The following B3GALNT1 variants were observed in gnomAD, a reference collection of about 807,000 sequenced individuals.
B3GALNT1 encodes the protein beta-1,3-N-acetylgalactosaminyltransferase 1 (Globoside blood group), also known as UDP-GalNAc:beta-1,3-N-acetylgalactosaminyltransferase 1.
Under a neutral mutation model 27.3 loss-of-function variants are expected in B3GALNT1, and 17 were observed. That is an observed-to-expected ratio of 0.62 (90% CI 0.43 to 0.94). B3GALNT1 has a LOEUF of 0.94. Among genes scored for constraint, B3GALNT1 ranks in the 40% least tolerant of loss-of-function variants. The pLI, the probability that B3GALNT1 is intolerant of heterozygous loss-of-function variation, is 0.00. For synonymous variants in B3GALNT1, 141 were observed against 144.0 expected (o/e 0.98, Z 0.15); for missense variants, 347 against 390.0 (o/e 0.89, Z 0.93).
In B3GALNT1 at chr3:161,086,047, T is replaced by C. The variant is rs1421385488; in HGVS notation, c.708A>G (p.Pro236=). The change falls in exon 5 of 5, where the codon CCA becomes CCG. Residue 236 remains proline, a synonymous_variant. Transcript: ENST00000320474. ...YQEYPFKVFP[P]YCSGLGYIMS... ...TTATATAACCCAACCCACTGCAGTA[T>C]GGAGGGAACACCTTGAAAGGATACT... 1.3e-6 allele frequency: 2 copies of C among 1,592,056 alleles called. No individual in the cohort carries two copies. Among genetic ancestry groups the C allele is most frequent in the African/African-American group, 1.4e-5 (1 of 74,008 alleles).
chr3:161,100,823 T>C (rs1427854950), intron 4 of B3GALNT1, among the ~76,000 whole-genome samples: 1 of 151,800 alleles, frequency 6.6e-6, no homozygotes. Flanking sequence ...TTAGGATTTT[T>C]AGCAGGGCTG....
chr3:161,103,551 T>A, intron 2 of B3GALNT1, 34 bp from the exon 3 acceptor site: 1 of 870,530 alleles, frequency 1.1e-6, no homozygotes, highest in Non-Finnish European at 1.6e-6. Context: ...TATATATGAG[T>A]CATAACATTA....
Position 161,085,451 on chromosome 3 carries a change from T to TA in B3GALNT1, c.*307dup, listed in dbSNP as rs1721193530. Reference sequence around the variant, plus strand: ...TTGTTTTTACAGCCTAGTGAGCTTATAACTCAGTAACACCCTTTTAAGAAA... The same window carrying TA: ...TTGTTTTTACAGCCTAGTGAGCTTATAAACTCAGTAACACCCTTTTAAGAAA... On this transcript the variant is annotated 3_prime_UTR_variant, in exon 5 of 5. Transcript: ENST00000320474. The TA allele has an allele frequency of 2.7e-6, 1 of 364,062 alleles. No individual in the cohort carries two copies. Among genetic ancestry groups the TA allele is most frequent in the African/African-American group, 2.1e-5 (1 of 48,108 alleles). 22.6% of individuals were successfully genotyped at this position (364,062 alleles called of 1,614,324 possible).
chr3:161,090,181 A>G (rs889215372), intron 4 of B3GALNT1: 2 of 154,330 alleles, frequency 1.3e-5, no homozygotes, highest in African/African-American at 4.8e-5. Context: ...GAAACCATCC[A>G]AAAAGATAAT....
chr3:161,090,985 A>G (rs1299715015), intron 4 of B3GALNT1, among the ~76,000 whole-genome samples: 2 of 152,186 alleles, frequency 1.3e-5, no homozygotes, highest in Non-Finnish European at 2.9e-5. Flanking sequence ...TGCCACTTAT[A>G]GGCTGGGTGT....
At chr3:161,091,028 G>A (rs1004147771) in intron 4 of B3GALNT1, among the ~76,000 whole-genome samples, 9 of 152,094 alleles carry the variant, frequency 5.9e-5, no homozygotes, top group Non-Finnish European at 1.3e-4. Context: ...AATGCTTTGG[G>A]AGGCTAAGGT....
intron 4 of B3GALNT1, 35 bp from the exon 5 acceptor site, chr3:161,086,823 A>G: frequency 1.3e-6 from 2 of 1,571,088 alleles, no homozygotes; most frequent in South Asian, 1.2e-5. Flanking sequence ...TTAATATTCC[A>G]CACCGAAAAC....
chr3:161,087,466 CCCT>C (rs1243522986), intron 4 of B3GALNT1, among the ~76,000 whole-genome samples: 1 of 152,020 alleles, frequency 6.6e-6, no homozygotes, highest in African/African-American at 2.4e-5. Context: ...ACCACCTCTC[CCCT>C]CCTTTTACCT....
chr3:161,093,832 TA>T (rs200435975), intron 4 of B3GALNT1, among the ~76,000 whole-genome samples: 38 of 145,796 alleles, frequency 2.6e-4, no homozygotes, highest in Admixed American at 4.1e-4. Flanking sequence ...ACCCCATAGA[TA>T]AAAAAAAAAA....
At chr3:161,094,606 T>C (rs1341930762) in intron 4 of B3GALNT1, among the ~76,000 whole-genome samples, 1 of 152,154 alleles carries the variant, frequency 6.6e-6, no homozygotes, top group Admixed American at 6.5e-5. Context: ...TCAAATGTAA[T>C]ATATGTTCAT....
In B3GALNT1 at chr3:161,104,410, T is replaced by G. The variant is rs34032455; in HGVS notation, c.-308-4A>C. The G allele has an allele frequency of 2.2e-3, 2,811 of 1,250,114 alleles. 51 individuals carry two copies. The African/African-American group carries it at 0.04, about 18-fold the overall frequency. 77.4% of individuals were successfully genotyped at this position (1,250,114 alleles called of 1,614,324 possible). ...CCACCTCCTAAACGCAGGCAATCTG[T>G]GCAAAACGCAGAGGAAACAAAATCA... On this transcript the variant is annotated splice_region_variant and splice_polypyrimidine_tract_variant and intron_variant, in intron 1 of 4. Transcript: ENST00000320474.
chr3:161,086,404 T>C lies in B3GALNT1; in HGVS notation c.351A>G (p.Leu117=), dbSNP rs746921935. ...CTTCCTTTTCAGCCTCTTGGCCTAATAAGAAAAATGTAAGAACCTCATATC... is the reference window on the plus strand; with the variant it reads ...CTTCCTTTTCAGCCTCTTGGCCTAACAAGAAAAATGTAAGAACCTCATATC... ...WWGYEVLTFF[L]LGQEAEKEDK... Residue 117 remains leucine, a synonymous_variant, in exon 5 of 5, where the codon TTA becomes TTG. Transcript: ENST00000320474. 8.7e-6 allele frequency: 14 copies of C among 1,613,950 alleles called. No homozygotes were observed. The highest frequency in any genetic ancestry group is 1.3e-5 in the African/African-American group (1 of 74,930).
intron 4 of B3GALNT1, among the ~76,000 whole-genome samples, chr3:161,092,259 T>A (rs1725515981): frequency 6.6e-6 from 1 of 152,214 alleles, no homozygotes; most frequent in African/African-American, 2.4e-5. Context: ...TCCAATGGAA[T>A]CCTATATGAT....
At position 161,101,236 on chromosome 3, in the gene B3GALNT1, GGAGCA is replaced by G. The variant is rs755688427; in HGVS notation, c.-129-8_-129-4del. On this transcript the variant is annotated splice_polypyrimidine_tract_variant and splice_region_variant and intron_variant, in intron 3 of 4. Coordinates refer to ENST00000320474, the MANE Select transcript of B3GALNT1 (RefSeq NM_003781.4). ...CCGGGTCCAGGGAGCTAAGAAAACT[GGAGCA>G]GAGCAAAGATCACAAAGTCAGGCAG... The G allele has an allele frequency of 7.8e-7, 1 of 1,289,456 alleles. No homozygotes were observed. Among genetic ancestry groups the G allele is most frequent in the South Asian group, 1.2e-5 (1 of 81,022 alleles). The allele number at this position is 1,289,456 out of a possible 1,614,324, so 79.9% of individuals were successfully genotyped here.
rs1043167776 is a variant in B3GALNT1, at chr3:161,104,342, T to C, written c.-244A>G. 1.2e-5 allele frequency: 15 copies of C among 1,289,546 alleles called. No homozygotes were observed. In the African/African-American group the frequency reaches 2.0e-4, roughly 17 times the overall value. 79.9% of individuals were successfully genotyped at this position (1,289,546 alleles called of 1,614,324 possible). ...ACCTCTGAAAACAGAAAAAAAGACA[T>C]GGTTTGGCAATTTCTTCCTTGATAG... On this transcript the variant is annotated 5_prime_UTR_variant, in exon 2 of 5. The change abolishes an upstream ATG in the 5' untranslated region. Transcript: ENST00000320474.
At position 161,085,662 on chromosome 3, in the gene B3GALNT1, G is replaced by T; in HGVS notation, c.*97C>A. The T allele has an allele frequency of 7.4e-7, 1 of 1,354,870 alleles. No individual in the cohort carries two copies. The highest frequency in any genetic ancestry group is 1.1e-6 in the Non-Finnish European group (1 of 948,778). 83.9% of individuals were successfully genotyped at this position (1,354,870 alleles called of 1,614,324 possible). ...ATGAGTTTCAGTTCAGTGTAAGCCA[G>T]CACACTGACCTCCCCATGAATTTTC... On this transcript the variant is annotated 3_prime_UTR_variant, in exon 5 of 5. Coordinates refer to ENST00000320474, the MANE Select transcript of B3GALNT1 (RefSeq NM_003781.4).
chr3:161,097,999 G>A (rs928460989), intron 4 of B3GALNT1, among the ~76,000 whole-genome samples: 4 of 152,132 alleles, frequency 2.6e-5, no homozygotes, highest in African/African-American at 9.7e-5. Context: ...TACTCTGTCA[G>A]GGTAAATAGG....
At chr3:161,102,229 A>G (rs906475192) in intron 3 of B3GALNT1, among the ~76,000 whole-genome samples, 3 of 152,226 alleles carry the variant, frequency 2.0e-5, no homozygotes, top group Non-Finnish European at 2.9e-5. Flanking sequence ...CAGAAAGAGA[A>G]GCAACAGACA....
chr3:161,087,728 T>C (rs952030656), intron 4 of B3GALNT1, among the ~76,000 whole-genome samples: 2 of 152,292 alleles, frequency 1.3e-5, no homozygotes, highest in Admixed American at 1.3e-4. Context: ...GGGTGGTTTA[T>C]AATTCGGGAT....
Sources: allele counts gnomAD v4.1 joint callset (sites outside exome capture counted in the v4.1 genomes callset), GRCh38; gene constraint gnomAD v4.1.1; transcripts MANE v1.5; gene names NCBI Gene and HGNC (gene_info 2026-07-23, HGNC 2026-07-21).